Variants in TTC6 observed in about 807,000 individuals in gnomAD.
TTC6 encodes tetratricopeptide repeat domain 6, also known as tetratricopeptide repeat protein 6.
Under a neutral mutation model 210.4 loss-of-function variants are expected in TTC6, and 172 were observed. The observed-to-expected ratio is 0.82, with a 90% CI of 0.72 to 0.93. The LOEUF (loss-of-function observed/expected upper bound fraction) is 0.93. Among genes scored for constraint, TTC6 ranks in the 40% least tolerant of loss-of-function variants. The pLI is 0.00. For missense variants in TTC6, 2,414 were observed against 2,318.1 expected, an observed-to-expected ratio of 1.04 and a Z score of -0.85; for synonymous variants, 804 against 819.6, an observed-to-expected ratio of 0.98 and a Z score of 0.32.
At chr14:37,597,904 T>C (rs561731953) in intron 1 of TTC6, among the ~76,000 whole-genome samples, 25 of 152,272 alleles carry the variant, frequency 1.6e-4, no homozygotes, top group African/African-American at 6.0e-4. Context: ...CCTCTCTCCA[T>C]CTCAGTGGCC....
intron 15 of TTC6, among the ~76,000 whole-genome samples, chr14:37,788,831 C>G (rs1298356836): frequency 6.6e-6 from 1 of 152,116 alleles, no homozygotes; most frequent in East Asian, 1.9e-4. Flanking sequence ...ATTTGAAGAT[C>G]AAACCACCCC....
intron 2 of TTC6, among the ~76,000 whole-genome samples, chr14:37,614,898 C>A (rs1436658568): frequency 6.6e-6 from 1 of 152,156 alleles, no homozygotes; most frequent in Non-Finnish European, 1.5e-5. Flanking sequence ...AGCTGCCCAG[C>A]ACCATGCCCA....
At chr14:37,702,486 C>T (rs1380010136) in intron 5 of TTC6, among the ~76,000 whole-genome samples, 1 of 152,148 alleles carries the variant, frequency 6.6e-6, no homozygotes, top group Admixed American at 6.5e-5. Context: ...CCAATTTTTA[C>T]CTCCTGGGAG....
intron 27 of TTC6, 66 bp downstream of exon 29, chr14:37,824,023 C>T: frequency 7.2e-7 from 1 of 1,389,910 alleles, no homozygotes; most frequent in Non-Finnish European, 1.0e-6. Context: ...TTGGCTCTTT[C>T]CTGGCAATGG....
At chr14:37,779,692 C>G (rs1738421289) in intron 14 of TTC6, among the ~76,000 whole-genome samples, 1 of 152,158 alleles carries the variant, frequency 6.6e-6, no homozygotes, top group African/African-American at 2.4e-5. Flanking sequence ...TTTTGAAACT[C>G]TTTATAAATT....
chr14:37,693,163 A>G (rs2095807538), intron 3 of TTC6, among the ~76,000 whole-genome samples: 1 of 152,090 alleles, frequency 6.6e-6, no homozygotes, highest in African/African-American at 2.4e-5. Flanking sequence ...GACTCCACAA[A>G]AAACTATGAG....
At chr14:37,747,168 C>T (rs915069551) in intron 10 of TTC6, among the ~76,000 whole-genome samples, 1 of 152,156 alleles carries the variant, frequency 6.6e-6, no homozygotes, top group African/African-American at 2.4e-5. Flanking sequence ...TGATATTTGA[C>T]AAATTTTTAT....
intron 1 of TTC6, among the ~76,000 whole-genome samples, chr14:37,599,936 G>A (rs1227564814): frequency 1.3e-5 from 2 of 152,162 alleles, no homozygotes; most frequent in Non-Finnish European, 2.9e-5. Flanking sequence ...GTCAGCGCCT[G>A]TTGGAGGACG....
Position 37,793,318 on chromosome 14 carries a change from G to A in TTC6, c.3708+904G>A, listed in dbSNP as rs150833477. On this transcript the variant is annotated intron_variant, in intron 17 of 30. Coordinates refer to ENST00000553443, the Ensembl canonical transcript of TTC6. ...TTGTCTCCTGTCTATGCTGGTTTCA[G>A]CCAGGATAAGCTAGGCTATACTGAG... Among the ~76,000 whole-genome samples, 663 of 152,286 alleles carry A rather than the reference G, an allele frequency of 4.4e-3. 4 individuals are homozygous for A. Among genetic ancestry groups the A allele is most frequent in the African/African-American group, 0.014 (579 of 41,556 alleles).
intron 3 of TTC6, among the ~76,000 whole-genome samples, chr14:37,696,386 A>G (rs1305302247): frequency 6.6e-6 from 1 of 152,140 alleles, no homozygotes; most frequent in African/African-American, 2.4e-5. Flanking sequence ...CAGTCATGCC[A>G]AACTTTAAGG....
intron 15 of TTC6, among the ~76,000 whole-genome samples, chr14:37,789,866 TG>T (rs1192330847): frequency 1.3e-5 from 2 of 152,062 alleles, no homozygotes; most frequent in Non-Finnish European, 2.9e-5. Context: ...TGAATATTTT[TG>T]TCCTAGACTG....
chr14:37,787,748 A>G (rs886536662), intron 15 of TTC6, 111 bp downstream of exon 17: 13 of 690,290 alleles, frequency 1.9e-5, no homozygotes, highest in Middle Eastern at 8.7e-4. Flanking sequence ...GTATACTACT[A>G]TATACTAATA....
intron 7 of TTC6, among the ~76,000 whole-genome samples, chr14:37,734,989 G>C (rs1020433053): frequency 5.3e-5 from 8 of 152,016 alleles, no homozygotes; most frequent in Non-Finnish European, 8.8e-5. Context: ...AAAATGGTTT[G>C]AAAATCCCTG....
intron 2 of TTC6, among the ~76,000 whole-genome samples, chr14:37,607,256 G>A (rs1204259216): frequency 6.6e-6 from 1 of 152,172 alleles, no homozygotes; most frequent in Non-Finnish European, 1.5e-5. Context: ...ACTAAACTAG[G>A]TCCAGTGACC....
Position 37,798,187 on chromosome 14 carries a change from A to T in TTC6, c.4029+1240A>T, listed in dbSNP as rs111893409. ...ATTTAGCTTGCCCAAGGTCCATTAA[A>T]AACTCTCTTGAGATTTTGAATCTTG... On this transcript the variant is annotated intron_variant, in intron 20 of 30. Transcript: ENST00000553443. 2.2e-3 allele frequency among the ~76,000 whole-genome samples: 332 copies of T among 152,210 alleles called. 2 individuals carry two copies. Among genetic ancestry groups the T allele is most frequent in the Middle Eastern group, 6.8e-3 (2 of 294 alleles).
At chr14:37,771,536 C>A (rs1010996144) in intron 14 of TTC6, among the ~76,000 whole-genome samples, 1 of 152,150 alleles carries the variant, frequency 6.6e-6, no homozygotes, top group African/African-American at 2.4e-5. Context: ...CTTCCCTTCT[C>A]GCTTCATTTC....
intron 24 of TTC6, among the ~76,000 whole-genome samples, chr14:37,809,992 A>C (rs188192308): frequency 3.3e-5 from 5 of 152,306 alleles, no homozygotes; most frequent in Non-Finnish European, 7.4e-5. Flanking sequence ...GTGTTCACAC[A>C]CTCTCCATTC....
intron 6 of TTC6, among the ~76,000 whole-genome samples, chr14:37,715,029 C>G (rs1328655297): frequency 6.6e-6 from 1 of 152,024 alleles, no homozygotes; most frequent in Admixed American, 6.6e-5. Context: ...AATAACCCAG[C>G]CTGGTGGCAC....
At chr14:37,644,200 C>T in intron 1 of TTC6, among the ~76,000 whole-genome samples, 1 of 151,992 alleles carries the variant, frequency 6.6e-6, no homozygotes, top group South Asian at 2.1e-4. Flanking sequence ...TCAGAAAACC[C>T]AAAGTAATAT....
Sources: allele counts gnomAD v4.1 joint callset (sites outside exome capture counted in the v4.1 genomes callset), GRCh38; gene constraint gnomAD v4.1.1; transcripts MANE v1.5; gene names NCBI Gene and HGNC (gene_info 2026-07-23, HGNC 2026-07-21).